CWC25: variants seen among roughly 807,000 people sequenced by gnomAD.
CWC25 encodes CWC25 spliceosome associated protein.
CWC25 carries 31 observed loss-of-function variants against 54.6 expected under a neutral mutation model. The ratio of observed to expected loss-of-function variants is 0.57; its 90% confidence interval spans 0.43 to 0.77. The LOEUF (loss-of-function observed/expected upper bound fraction) is 0.77, where lower values mean the gene tolerates loss of function less well. Among genes scored for constraint, CWC25 ranks in the 30% least tolerant of loss-of-function variants. The pLI, the probability that CWC25 is intolerant of heterozygous loss-of-function variation, is 0.00. For missense variants in CWC25, 453 were observed against 529.3 expected (o/e 0.86, Z 1.41); for synonymous variants, 151 against 187.0 (o/e 0.81, Z 1.57).
intron 2 of CWC25, among the ~76,000 whole-genome samples, chr17:38,816,184 A>G (rs1911690736): frequency 6.6e-6 from 1 of 152,194 alleles, no homozygotes; most frequent in Non-Finnish European, 1.5e-5. Context: ...GCAACCAGGA[A>G]AGTACTTTCA....
At chr17:38,817,612 C>A (rs944723464) in intron 2 of CWC25, among the ~76,000 whole-genome samples, 1 of 151,862 alleles carries the variant, frequency 6.6e-6, no homozygotes, top group Admixed American at 6.6e-5. Context: ...CATGGTGAAA[C>A]CCTGTCTCTA....
rs1474937886 is a variant in CWC25 at position 38,806,968 on chromosome 17, G to C, written c.699C>G (p.Asn233Lys). ...KVPGYGLQVR[N>K]SDRNQGLQGP... ...CCTGAAGACCCTGGTTACGGTCAGA[G>C]TTCCGGACCTACATCATTAAGGAAA... The change falls in exon 7 of 10, where the codon AAC becomes AAG. Residue 233 changes from asparagine (N) to lysine (K), a missense_variant. Asn to Lys is a moderately conservative substitution (Grantham distance 94). Around this residue, in one of 2 missense-constraint regions of CWC25, gnomAD observed 444 missense variants for 499.2 expected, o/e 0.89. Coordinates refer to ENST00000614790, the MANE Select transcript of CWC25 (RefSeq NM_017748.5). 5 of 1,608,892 alleles carry C rather than the reference G, an allele frequency of 3.1e-6. No homozygotes were observed. The highest frequency in any genetic ancestry group is 1.3e-5 in the African/African-American group (1 of 74,454).
chr17:38,814,965 A>G lies in CWC25; in HGVS notation c.324T>C (p.Ser108=). Residue 108 remains serine (S), a synonymous_variant, in exon 3 of 10, where the codon TCT becomes TCC. Coordinates refer to ENST00000614790, the MANE Select transcript of CWC25 (RefSeq NM_017748.5). ...EKMEEKEAGC[S]SETGLLPGSI... ...AGCCTGGGAGAAGTCCTGTTTCAGA[A>G]GAGCAGCCTGCCTCCTTCTCCTCCA... The G allele has an allele frequency of 6.2e-7, 1 of 1,613,862 alleles. No homozygotes were observed. Among genetic ancestry groups the G allele is most frequent in the South Asian group, 1.1e-5 (1 of 91,082 alleles).
intron 6 of CWC25, among the ~76,000 whole-genome samples, chr17:38,809,284 C>T (rs1911385578): frequency 2.0e-5 from 3 of 151,250 alleles, no homozygotes; most frequent in Non-Finnish European, 2.9e-5. Flanking sequence ...AAAAATTAGT[C>T]GGGCGTGGTG....
chr17:38,810,597 T>C lies in CWC25; in HGVS notation c.499-2A>G. On this transcript the variant is annotated splice_acceptor_variant, in intron 4 of 9. Coordinates refer to ENST00000614790, the MANE Select transcript of CWC25 (RefSeq NM_017748.5). LOFTEE classifies it high-confidence loss of function. ...CTTTTTTTCCAGACTCATTTGCAAC[T>C]GGAAAATGCCGAGAACACAAGCACA... 8 of 1,388,392 alleles carry C rather than the reference T, an allele frequency of 5.8e-6. No homozygotes were observed. Among genetic ancestry groups the C allele is most frequent in the Non-Finnish European group, 8.0e-6 (8 of 997,258 alleles). 86.0% of individuals were successfully genotyped at this position (1,388,392 alleles called of 1,614,324 possible). A position where few individuals can be genotyped will look rare whatever the true frequency, so the allele number is the denominator to read the frequency against.
chr17:38,808,663 C>A (rs183973774), intron 6 of CWC25, among the ~76,000 whole-genome samples: 1 of 148,636 alleles, frequency 6.7e-6, no homozygotes, highest in East Asian at 2.0e-4. Context: ...TGCCTGTAAT[C>A]CCAGCTACTC....
In CWC25 at chr17:38,810,459, C is replaced by A; in HGVS notation, c.626+9G>T. ...CAACGAGAAGGGAGGCCAGTCGCCA[C>A]ATGCTCACCTCCCTGCACTGTGCTC... On this transcript the variant is annotated intron_variant, in intron 5 of 9. Coordinates refer to ENST00000614790, the MANE Select transcript of CWC25 (RefSeq NM_017748.5). 6.5e-7 allele frequency: 1 copy of A among 1,547,420 alleles called. No individual in the cohort carries two copies. The highest frequency in any genetic ancestry group is 1.3e-5 in the South Asian group (1 of 79,676).
At chr17:38,815,845 G>A (rs984916912) in intron 2 of CWC25, 1 of 337,838 alleles carries the variant, frequency 3.0e-6, no homozygotes, top group Non-Finnish European at 5.5e-6. Context: ...GGTGCTTGTG[G>A]GCACACAGAC....
rs1331550870 is a variant in CWC25 at position 38,800,530 on chromosome 17, T to C, written c.*1562A>G. 3 of 152,288 alleles carry C rather than the reference T, an allele frequency of 2.0e-5. No homozygotes were observed. The highest frequency in any genetic ancestry group is 2.0e-4 in the Admixed American group (3 of 15,298). 9.4% of individuals were successfully genotyped at this position (152,288 alleles called of 1,614,324 possible). A position where few individuals can be genotyped will look rare whatever the true frequency, so the allele number is the denominator to read the frequency against. On this transcript the variant is annotated 3_prime_UTR_variant, in exon 10 of 10. Transcript: ENST00000614790. ...CGGCATAATGAAGTGATTAAATGAA[T>C]AAAAACGTATGTTACATTCTCTAGG...
At position 38,806,309 on chromosome 17, in the gene CWC25, G is replaced by A; in HGVS notation, c.989C>T (p.Pro330Leu). ...GCTCCTGACTCACCTGGTGTATCCGGGAGCATGTCGCCTTTGGTAGACCTC... is the reference window on the plus strand; with the variant it reads ...GCTCCTGACTCACCTGGTGTATCCGAGAGCATGTCGCCTTTGGTAGACCTC... The part of the protein sequence containing the change: ...KKEVYQRRHA[P>L]GYTRKLSAEE... Residue 330 changes from proline (P) to leucine (L), a missense_variant, in exon 8 of 10, where the codon CCC becomes CTC. By Grantham distance (98) the Pro-to-Leu change is moderately conservative. Around this residue, in one of 2 missense-constraint regions of CWC25, gnomAD observed 444 missense variants for 499.2 expected, o/e 0.89. Coordinates refer to ENST00000614790, the MANE Select transcript of CWC25 (RefSeq NM_017748.5). The A allele has an allele frequency of 6.2e-7, 1 of 1,611,894 alleles. No homozygotes were observed. The highest frequency in any genetic ancestry group is 8.5e-7 in the Non-Finnish European group (1 of 1,179,022).
intron 2 of CWC25, among the ~76,000 whole-genome samples, chr17:38,819,911 A>T (rs1475603158): frequency 6.6e-6 from 1 of 152,120 alleles, no homozygotes; most frequent in African/African-American, 2.4e-5. Flanking sequence ...ACCTCAAGTG[A>T]TCTGCCCGCC....
intron 5 of CWC25, chr17:38,810,259 C>T (rs140727721): frequency 2.5e-4 from 145 of 573,848 alleles, no homozygotes; most frequent in African/African-American, 2.1e-3. Flanking sequence ...AGCAGCATGG[C>T]CAAGATACCC....
At chr17:38,823,051 G>C (rs1911990652) in intron 1 of CWC25, among the ~76,000 whole-genome samples, 1 of 151,498 alleles carries the variant, frequency 6.6e-6, no homozygotes, top group African/African-American at 2.4e-5. Flanking sequence ...TGTTAGCCAT[G>C]ATGGTCTCGA....
chr17:38,808,946 C>CAAA, intron 6 of CWC25, among the ~76,000 whole-genome samples: 1 of 107,994 alleles, frequency 9.3e-6, no homozygotes, highest in East Asian at 3.0e-4. Context: ...AACTCCACCT[C>CAAA]AAAAAAAAAA....
chr17:38,816,693 T>C (rs1409118027), intron 2 of CWC25, among the ~76,000 whole-genome samples: 14 of 151,794 alleles, frequency 9.2e-5, no homozygotes, highest in Admixed American at 9.2e-4. Flanking sequence ...TGACCCTTTT[T>C]TTTTTCCCCC....
chr17:38,807,071 C>T (rs1911278230), intron 6 of CWC25, 95 bp from the exon 7 acceptor site: 1 of 980,892 alleles, frequency 1.0e-6, no homozygotes, highest in Admixed American at 2.5e-5. Flanking sequence ...CCTGTAATCC[C>T]AGCACTTTGG....
In CWC25 at chr17:38,820,407, A is replaced by G. The variant is rs910430950; in HGVS notation, c.191+494T>C. The stretch of plus-strand genomic sequence containing the variant: ...CAACAGGAAATTGAAGCAGGGTAAA[A>G]TCTAGTGGCATTGGCCGTAATCACT... On this transcript the variant is annotated intron_variant, in intron 2 of 9. Transcript: ENST00000614790. Among the ~76,000 whole-genome samples the G allele has an allele frequency of 2.0e-5, 3 of 152,132 alleles. No individual in the cohort carries two copies. In the South Asian group the frequency reaches 6.2e-4, roughly 32 times the overall value.
chr17:38,807,144 G>A (rs1438841556), intron 6 of CWC25, among the ~76,000 whole-genome samples, 168 bp from the exon 7 acceptor site: 1 of 151,938 alleles, frequency 6.6e-6, no homozygotes, highest in East Asian at 1.9e-4. Flanking sequence ...CCAACATGGT[G>A]AAACCCTGTC....
At chr17:38,803,611 C>T (rs2143540714) in intron 8 of CWC25, among the ~76,000 whole-genome samples, 1 of 151,628 alleles carries the variant, frequency 6.6e-6, no homozygotes, top group South Asian at 2.1e-4. Context: ...GCCTGGGTGA[C>T]AGAGTGAGTC....
Sources: gnomAD v4.1 joint callset for allele counts (sites outside exome capture counted in the v4.1 genomes callset) on GRCh38, gnomAD v4.1.1 for gene constraint, gnomAD v4.1.1 regional missense constraint, MANE v1.5 for transcripts, NCBI Gene and HGNC (gene_info 2026-07-23, HGNC 2026-07-21) for gene names.